USP33: variants seen among roughly 807,000 people sequenced by gnomAD.
USP33 encodes ubiquitin specific peptidase 33.
A neutral mutation model predicts 124.2 loss-of-function variants in USP33; 46 were observed. The observed-to-expected ratio is 0.37, with a 90% CI of 0.29 to 0.47. The LOEUF (loss-of-function observed/expected upper bound fraction) is 0.47. USP33 is among the 20% of genes least tolerant of loss of function. USP33 has a pLI of 0.99. For synonymous variants in USP33, 350 were observed against 352.3 expected (o/e 0.99, Z 0.07); for missense variants, 851 against 1,070.6 (o/e 0.79, Z 2.86).
Position 77,734,521 on chromosome 1 carries a change from T to C in USP33, c.455-105A>G, listed in dbSNP as rs1213583155. The C allele has an allele frequency of 5.2e-5, 35 of 678,286 alleles. No individual in the cohort carries two copies. The East Asian group carries it at 9.5e-4, about 18-fold the overall frequency. 42.0% of individuals were successfully genotyped at this position (678,286 alleles called of 1,614,324 possible). A position where few individuals can be genotyped will look rare whatever the true frequency, so the allele number is the denominator to read the frequency against. ...CAAATTACATTAAGGACCACGGAAA[T>C]ACAATATAGCAACTTGAACAATTCA... On this transcript the variant is annotated intron_variant, in intron 6 of 23. Transcript: ENST00000370794.
At chr1:77,742,086 T>C (rs1355265946) in intron 1 of USP33, among the ~76,000 whole-genome samples, 2 of 152,086 alleles carry the variant, frequency 1.3e-5, no homozygotes, top group Non-Finnish European at 2.9e-5. Context: ...AATATTCAAG[T>C]TATTCAACTG....
chr1:77,698,707 A>T (rs1673683401), intron 22 of USP33, among the ~76,000 whole-genome samples: 1 of 150,488 alleles, frequency 6.6e-6, no homozygotes. Context: ...TCACCGTGTT[A>T]GCCAGGATGG....
chr1:77,741,252 C>A (rs796694805), intron 3 of USP33, 124 bp downstream of exon 3: 1 of 923,594 alleles, frequency 1.1e-6, no homozygotes, highest in Non-Finnish European at 1.6e-6. Flanking sequence ...TTAATAATGA[C>A]CTTTTAAAAG....
At chr1:77,710,653 G>C (rs774280120) in intron 21 of USP33, among the ~76,000 whole-genome samples, 9 of 152,184 alleles carry the variant, frequency 5.9e-5, no homozygotes, top group Admixed American at 4.6e-4. Flanking sequence ...AGGTGTGTGT[G>C]TGTGTCTACA....
chr1:77,751,201 T>G (rs1327480371), intron 1 of USP33, among the ~76,000 whole-genome samples: 1 of 152,196 alleles, frequency 6.6e-6, no homozygotes, highest in Non-Finnish European at 1.5e-5. Flanking sequence ...AGCTTTTTCC[T>G]CTATCTGCCA....
At chr1:77,714,990 A>G (rs1017341026) in intron 18 of USP33, 14 of 494,072 alleles carry the variant, frequency 2.8e-5, no homozygotes, top group East Asian at 1.8e-4. Context: ...AGGTATCCAC[A>G]TAACTACTGG....
chr1:77,712,604 AAGC>A (rs1476691314), intron 20 of USP33, among the ~76,000 whole-genome samples: 2 of 152,216 alleles, frequency 1.3e-5, no homozygotes, highest in East Asian at 3.9e-4. Context: ...TGGGAGGCCA[AAGC>A]AGCCACATGG....
intron 21 of USP33, among the ~76,000 whole-genome samples, chr1:77,703,641 T>C (rs991024089): frequency 2.0e-5 from 3 of 152,050 alleles, no homozygotes; most frequent in Admixed American, 2.0e-4. Flanking sequence ...AAATAAAATA[T>C]AAAACTCCAA....
Position 77,723,271 on chromosome 1 carries a change from C to A in USP33, c.1389+60G>T. ...AATTAAACTTTTCACATCATCTTGT[C>A]ACATTTTTAAAAATCATTTGACACG... On this transcript the variant is annotated intron_variant, in intron 12 of 23. Coordinates refer to ENST00000370794, the MANE Select transcript of USP33 (RefSeq NM_201624.3). 2.4e-6 allele frequency: 3 copies of A among 1,239,768 alleles called. No individual in the cohort carries two copies. In the South Asian group the frequency reaches 3.8e-5, roughly 16 times the overall value. 76.8% of individuals were successfully genotyped at this position (1,239,768 alleles called of 1,614,324 possible).
chr1:77,700,077 A>C (rs1673834808), intron 22 of USP33, among the ~76,000 whole-genome samples: 1 of 152,174 alleles, frequency 6.6e-6, no homozygotes, highest in African/African-American at 2.4e-5. Flanking sequence ...AACAACAGGA[A>C]AAACAGCTAA....
chr1:77,722,020 A>G lies in USP33; in HGVS notation c.1562+4T>C, dbSNP rs768850579. 5 of 1,612,006 alleles carry G rather than the reference A, an allele frequency of 3.1e-6. No individual in the cohort carries two copies. The East Asian group carries it at 1.1e-4, about 36-fold the overall frequency. ...CATGTAATACAAAGAAAATAAATAC[A>G]TACCTCTTCACATATTCCATGAAAA... On this transcript the variant is annotated splice_donor_region_variant and intron_variant, in intron 13 of 23. Transcript: ENST00000370794.
Position 77,697,870 on chromosome 1 carries a change from A to G in USP33, c.2571T>C (p.Leu857=), listed in dbSNP as rs1251231589. 1 of 1,609,488 alleles carries G rather than the reference A, an allele frequency of 6.2e-7. No homozygotes were observed. Among genetic ancestry groups the G allele is most frequent in the Non-Finnish European group, 8.5e-7 (1 of 1,178,678 alleles). Residue 857 remains leucine, a synonymous_variant, in exon 23 of 24, where the codon CTT becomes CTC. Transcript: ENST00000370794. ...IAVTKCGNVM[L]RQGADSGQIS... ...AATACGAGTCAAACTTACCTTGCCT[A>G]AGCATCACATTACCACATTTAGTGA...
At chr1:77,742,075 G>A (rs1433743536) in intron 1 of USP33, among the ~76,000 whole-genome samples, 4 of 151,106 alleles carry the variant, frequency 2.6e-5, no homozygotes, top group Admixed American at 2.0e-4. Context: ...TAAAAGGGGG[G>A]AATATTCAAG....
At chr1:77,744,736 T>C (rs1219017286) in intron 1 of USP33, among the ~76,000 whole-genome samples, 1 of 152,084 alleles carries the variant, frequency 6.6e-6, no homozygotes, top group East Asian at 1.9e-4. Flanking sequence ...TCCCACCTAC[T>C]CACGAGGCTG....
At chr1:77,749,983 T>C (rs183735511) in intron 1 of USP33, among the ~76,000 whole-genome samples, 3 of 152,352 alleles carry the variant, frequency 2.0e-5, no homozygotes, top group Admixed American at 6.5e-5. Flanking sequence ...AAATACATTC[T>C]CTCTGCTCTG....
At chr1:77,751,186 C>G (rs965884664) in intron 1 of USP33, among the ~76,000 whole-genome samples, 1 of 152,180 alleles carries the variant, frequency 6.6e-6, no homozygotes, top group Non-Finnish European at 1.5e-5. Context: ...AATCTTGTAT[C>G]TGGCAGCTTT....
intron 7 of USP33, among the ~76,000 whole-genome samples, chr1:77,731,494 A>G (rs1426556944): frequency 6.6e-6 from 1 of 152,150 alleles, no homozygotes; most frequent in Non-Finnish European, 1.5e-5. Flanking sequence ...CCTCCTATGA[A>G]GGCAGTTAGA....
chr1:77,697,510 C>G (rs953201666), intron 23 of USP33, 36 bp from the exon 24 acceptor site: 8 of 1,557,514 alleles, frequency 5.1e-6, no homozygotes, highest in Non-Finnish European at 6.9e-6. Context: ...GTTTACAAAC[C>G]TATATATTCA....
chr1:77,757,437 A>G (rs1425425093), intron 1 of USP33, among the ~76,000 whole-genome samples: 1 of 152,266 alleles, frequency 6.6e-6, no homozygotes, highest in Non-Finnish European at 1.5e-5. Flanking sequence ...AATATAGCAC[A>G]TAATTCATGT....
Sources: gnomAD v4.1 joint callset for allele counts (sites outside exome capture counted in the v4.1 genomes callset) on GRCh38, gnomAD v4.1.1 for gene constraint, MANE v1.5 for transcripts, NCBI Gene and HGNC (gene_info 2026-07-23, HGNC 2026-07-21) for gene names.